RGS3: variants seen among roughly 807,000 people sequenced by gnomAD.
The protein encoded by RGS3 is regulator of G protein signaling 3, also known as regulator of G-protein signalling 3.
In RGS3, 80 loss-of-function variants were observed where a neutral mutation model predicts 132.6. The ratio of observed to expected loss-of-function variants is 0.60; its 90% confidence interval spans 0.50 to 0.73. The LOEUF is 0.73. RGS3 is among the 30% of genes least tolerant of loss of function. The pLI is 0.00. For synonymous variants in RGS3, 598 were observed against 620.6 expected (o/e 0.96, Z 0.54); for missense variants, 1,382 against 1,530.8 (o/e 0.90, Z 1.62).
Position 113,570,911 on chromosome 9 carries a change from C to T in RGS3, c.2038-12539C>T, listed in dbSNP as rs375243327. On this transcript the variant is annotated intron_variant, in intron 19 of 24. Transcript: ENST00000350696. ...TCAGCCTCCCAAAGTGCTGGGATTA[C>T]AGGCATGAGTCACTGCACCCGGCCC... Among the ~76,000 whole-genome samples the T allele has an allele frequency of 2.6e-5, 4 of 152,228 alleles. No homozygotes were observed. In the East Asian group the frequency reaches 7.7e-4, roughly 29 times the overall value.
intron 19 of RGS3, chr9:113,541,834 C>T: frequency 1.0e-6 from 1 of 991,096 alleles, no homozygotes; most frequent in Non-Finnish European, 1.2e-6. Flanking sequence ...CTCCGCCCAT[C>T]CACTCATTTT....
chr9:113,541,183 C>A, intron 19 of RGS3: 1 of 835,832 alleles, frequency 1.2e-6, no homozygotes, highest in Non-Finnish European at 1.9e-6. Context: ...TTGTCATCTC[C>A]ACTGGGGCCA....
intron 10 of RGS3, among the ~76,000 whole-genome samples, chr9:113,502,031 C>T (rs1019758036): frequency 5.3e-5 from 8 of 152,218 alleles, no homozygotes; most frequent in African/African-American, 1.4e-4. Context: ...TATGTTGGCA[C>T]GTGCTCATAT....
At chr9:113,596,695 C>A in intron 24 of RGS3, 73 bp from the exon 23 acceptor site, 1 of 1,357,370 alleles carries the variant, frequency 7.4e-7, no homozygotes. Context: ...TGGATGGGTC[C>A]CTTCCAGGCA....
In RGS3 at chr9:113,516,654, C is replaced by T. The variant is rs532460539; in HGVS notation, c.1675-887C>T. Reference sequence around the variant, plus strand: ...GATTACAGGCATGAGCCACCACATGCGGCCTGTGTCTAATTTTCATGTTCA... The same window carrying T: ...GATTACAGGCATGAGCCACCACATGTGGCCTGTGTCTAATTTTCATGTTCA... On this transcript the variant is annotated intron_variant, in intron 15 of 24. Coordinates refer to ENST00000350696, the Ensembl canonical transcript of RGS3. Among the ~76,000 whole-genome samples the T allele has an allele frequency of 1.5e-3, 232 of 152,234 alleles. 1 individual carries two copies. The highest frequency in any genetic ancestry group is 6.8e-3 in the Middle Eastern group (2 of 294).
chr9:113,452,939 A>ATATATT (rs1172570043), intron 1 of RGS3, among the ~76,000 whole-genome samples: 4 of 121,624 alleles, frequency 3.3e-5, no homozygotes, highest in African/African-American at 1.3e-4. Flanking sequence ...ATATAAATAA[A>ATATATT]ATATATTTAT....
At chr9:113,523,457 C>T (rs1832059515) in intron 17 of RGS3, among the ~76,000 whole-genome samples, 1 of 152,106 alleles carries the variant, frequency 6.6e-6, no homozygotes, top group African/African-American at 2.4e-5. Flanking sequence ...TAAGCTAGGT[C>T]ATAAATGCAA....
intron 19 of RGS3, among the ~76,000 whole-genome samples, chr9:113,553,457 AAAATATATATATAT>A (rs1218334372): frequency 5.9e-4 from 54 of 90,872 alleles, no homozygotes; most frequent in African/African-American, 1.9e-3. Flanking sequence ...AAAAAAAAAA[AAAATATATATATAT>A]ATATATATAT....
chr9:113,588,747 G>C (rs1835259170), intron 20 of RGS3, among the ~76,000 whole-genome samples: 1 of 152,152 alleles, frequency 6.6e-6, no homozygotes, highest in Admixed American at 6.5e-5. Context: ...CTGTGTGTTG[G>C]GCGCTGTGCT....
intron 19 of RGS3, among the ~76,000 whole-genome samples, chr9:113,544,608 G>A (rs1176978395): frequency 1.3e-5 from 2 of 152,220 alleles, no homozygotes; most frequent in Non-Finnish European, 2.9e-5. Flanking sequence ...TCCCCACAGC[G>A]AAAGTCCCAC....
At chr9:113,583,421 A>G (rs1277969134) in intron 19 of RGS3, 29 bp from the exon 18 acceptor site, 1 of 1,612,138 alleles carries the variant, frequency 6.2e-7, no homozygotes. Context: ...CCTCTTCTGA[A>G]CTGTTCTTGT....
chr9:113,478,006 G>A (rs1176213360), intron 3 of RGS3, among the ~76,000 whole-genome samples: 1 of 152,258 alleles, frequency 6.6e-6, no homozygotes, highest in Non-Finnish European at 1.5e-5. Context: ...CGAGGAAGAG[G>A]AGTGTGACCC....
intron 1 of RGS3, among the ~76,000 whole-genome samples, chr9:113,454,539 T>C (rs112386517): frequency 0.086 from 13,120 of 151,954 alleles, 654 homozygotes; most frequent in Non-Finnish European, 0.097. Context: ...ACCTGGGAGG[T>C]GGAGGTTGCA....
chr9:113,571,389 T>C (rs1402039625), intron 19 of RGS3, among the ~76,000 whole-genome samples: 2 of 152,220 alleles, frequency 1.3e-5, no homozygotes, highest in African/African-American at 4.8e-5. Context: ...AGCCTATTAT[T>C]CCATGTCTGT....
chr9:113,575,448 C>G (rs1333723751), intron 19 of RGS3, among the ~76,000 whole-genome samples: 1 of 152,180 alleles, frequency 6.6e-6, no homozygotes, highest in Admixed American at 6.5e-5. Flanking sequence ...GCCCCTCTCT[C>G]CTCCTGCAGT....
chr9:113,518,070 G>T (rs536971173), intron 16 of RGS3, among the ~76,000 whole-genome samples: 2 of 152,160 alleles, frequency 1.3e-5, no homozygotes, highest in Admixed American at 6.5e-5. Context: ...CTATGATTTC[G>T]CCTGGGTTGT....
chr9:113,539,934 GGT>G (rs1418477515), intron 19 of RGS3, among the ~76,000 whole-genome samples: 1 of 152,172 alleles, frequency 6.6e-6, no homozygotes, highest in Non-Finnish European at 1.5e-5. Flanking sequence ...TGGCTGCTGT[GGT>G]GTCAGTAGTC....
In RGS3 at chr9:113,484,291, A is replaced by G. The variant is rs1830257274; in HGVS notation, c.620+59A>G. ...AGAGGGAAGGAGTGTTTATCTGGAAACAGCTCTGTTTGCCAAATCTAGAAC... is the reference window on the plus strand; with the variant it reads ...AGAGGGAAGGAGTGTTTATCTGGAAGCAGCTCTGTTTGCCAAATCTAGAAC... On this transcript the variant is annotated intron_variant, in intron 6 of 24. Transcript: ENST00000350696. 4.9e-6 allele frequency: 4 copies of G among 809,438 alleles called. No homozygotes were observed. The Admixed American group carries it at 6.0e-5, about 12-fold the overall frequency. The allele number at this position is 809,438 out of a possible 1,614,324, so 50.1% of individuals were successfully genotyped here.
intron 18 of RGS3, among the ~76,000 whole-genome samples, chr9:113,530,403 C>T (rs139111925): frequency 2.3e-3 from 350 of 152,356 alleles, no homozygotes; most frequent in Non-Finnish European, 3.9e-3. Flanking sequence ...GCCAAGAGGG[C>T]ATTGGATGTC....
Sources: allele counts gnomAD v4.1 joint callset (sites outside exome capture counted in the v4.1 genomes callset), GRCh38; gene constraint gnomAD v4.1.1; transcripts MANE v1.5; gene names NCBI Gene and HGNC (gene_info 2026-07-23, HGNC 2026-07-21).